Variants in PARL observed in about 807,000 individuals in gnomAD.
PARL encodes presenilin-associated rhomboid-like protein, mitochondrial.
A neutral mutation model predicts 51.6 loss-of-function variants in PARL; 44 were observed. The observed-to-expected ratio is 0.85, with a 90% CI of 0.67 to 1.10. PARL has a LOEUF of 1.10. Among genes scored for constraint, PARL ranks in the 50% least tolerant of loss-of-function variants. PARL has a pLI of 0.00. For synonymous variants in PARL, 172 were observed against 164.0 expected, an observed-to-expected ratio of 1.05 and a Z score of -0.37; for missense variants, 441 against 469.5, an observed-to-expected ratio of 0.94 and a Z score of 0.56.
At chr3:183,864,700 C>T (rs1053081409) in intron 3 of PARL, among the ~76,000 whole-genome samples, 2 of 151,378 alleles carry the variant, frequency 1.3e-5, no homozygotes, top group East Asian at 1.9e-4. Flanking sequence ...GGCGTGAACC[C>T]GGGAGGCAGA....
chr3:183,864,514 T>G (rs554294669), intron 3 of PARL, among the ~76,000 whole-genome samples: 2 of 152,094 alleles, frequency 1.3e-5, no homozygotes, highest in Non-Finnish European at 2.9e-5. Flanking sequence ...CGGTGGCTCA[T>G]GCCTGTAATC....
chr3:183,866,567 G>C, intron 3 of PARL, 58 bp downstream of exon 3: 4 of 1,381,298 alleles, frequency 2.9e-6, no homozygotes, highest in Non-Finnish European at 4.1e-6. Flanking sequence ...CATCTATTAA[G>C]TATCAGTTTT....
In PARL at chr3:183,884,826, C is replaced by T; in HGVS notation, c.21G>A (p.Ala7=). Residue 7 remains alanine (A), a synonymous_variant, in exon 1 of 10, where the codon GCG becomes GCA. Transcript: ENST00000317096. MAWRGW[A]QRGWGCGQAW... The stretch of plus-strand genomic sequence containing the variant: ...CCTGGCCGCAGCCCCAGCCTCTCTG[C>T]GCCCAGCCTCGCCACGCCATCTTCC... 6.3e-7 allele frequency: 1 copy of T among 1,596,978 alleles called. No homozygotes were observed.
chr3:183,857,032 A>T (rs1419201815), intron 4 of PARL, among the ~76,000 whole-genome samples: 1 of 152,216 alleles, frequency 6.6e-6, no homozygotes, highest in African/African-American at 2.4e-5. Context: ...GATTTGTTAA[A>T]TAATACTCAT....
At chr3:183,836,729 T>G (rs1034126630) in intron 7 of PARL, among the ~76,000 whole-genome samples, 3 of 148,562 alleles carry the variant, frequency 2.0e-5, no homozygotes. Context: ...GCACATCTGA[T>G]TTTTTTTTAC....
Position 183,833,707 on chromosome 3 carries a change from T to C in PARL, c.930+17A>G. ...ATCACCACTATCCCCAGCACTGCAC[T>C]TCATAAAAATACTTACATTCCCTGC... On this transcript the variant is annotated intron_variant, in intron 8 of 9. Coordinates refer to ENST00000317096, the MANE Select transcript of PARL (RefSeq NM_018622.7). 6.4e-7 allele frequency: 1 copy of C among 1,557,690 alleles called. No individual in the cohort carries two copies. Among genetic ancestry groups the C allele is most frequent in the South Asian group, 1.1e-5 (1 of 89,972 alleles).
chr3:183,840,688 GTTTAC>G (rs1180566936), intron 6 of PARL, 48 bp from the exon 7 acceptor site: 3 of 918,468 alleles, frequency 3.3e-6, no homozygotes, highest in Admixed American at 4.7e-5. Flanking sequence ...TATAAAAATG[GTTTAC>G]TTTTTTTTTT....
intron 5 of PARL, 54 bp downstream of exon 5, chr3:183,844,177 T>C (rs1729673895): frequency 7.5e-6 from 9 of 1,197,618 alleles, no homozygotes; most frequent in Non-Finnish European, 1.0e-5. Context: ...AACTAAAGCA[T>C]ATTTCTTTCA....
chr3:183,842,157 T>C lies in PARL; in HGVS notation c.757+141A>G, dbSNP rs1729392655. 1.5e-5 allele frequency: 13 copies of C among 880,260 alleles called. No homozygotes were observed. The East Asian group carries it at 3.2e-4, about 21-fold the overall frequency. The allele number at this position is 880,260 out of a possible 1,614,324, so 54.5% of individuals were successfully genotyped here. On this transcript the variant is annotated intron_variant, in intron 6 of 9. Transcript: ENST00000317096. Reference sequence around the variant, plus strand: ...CATCTCCACCAATCTGTGGCTCCCTTCTCTACATACACTGTGAGAAACAAA... The same window carrying C: ...CATCTCCACCAATCTGTGGCTCCCTCCTCTACATACACTGTGAGAAACAAA...
chr3:183,845,754 T>C (rs1028001232), intron 4 of PARL, among the ~76,000 whole-genome samples: 3 of 152,190 alleles, frequency 2.0e-5, no homozygotes, highest in Admixed American at 2.0e-4. Flanking sequence ...GTTTACCCTA[T>C]AGGAAGAGAG....
chr3:183,842,558 C>A lies in PARL; in HGVS notation c.608-111G>T. ...GACGCAGTGGCTCACGCCTGTAATC[C>A]CAGCACTTTGGGAGGCCAAGGCAGG... On this transcript the variant is annotated intron_variant, in intron 5 of 9. Coordinates refer to ENST00000317096, the MANE Select transcript of PARL (RefSeq NM_018622.7). 6 of 1,017,536 alleles carry A rather than the reference C, an allele frequency of 5.9e-6. No homozygotes were observed. In the South Asian group the frequency reaches 7.9e-5, roughly 13 times the overall value. The allele number at this position is 1,017,536 out of a possible 1,614,324, so 63.0% of individuals were successfully genotyped here. A position where few individuals can be genotyped will look rare whatever the true frequency, so the allele number is the denominator to read the frequency against.
At chr3:183,864,338 GGA>G (rs1560414955) in intron 3 of PARL, among the ~76,000 whole-genome samples, 3 of 152,038 alleles carry the variant, frequency 2.0e-5, no homozygotes, top group Admixed American at 6.6e-5. Flanking sequence ...CCAAGGAAGG[GGA>G]AAAGTAAAGA....
chr3:183,883,129 A>G (rs139300103), intron 1 of PARL, among the ~76,000 whole-genome samples: 1 of 152,258 alleles, frequency 6.6e-6, no homozygotes, highest in Admixed American at 6.5e-5. Flanking sequence ...TTTCTGGTTC[A>G]CTGTTTCAAA....
At chr3:183,831,050 C>T (rs1727879211) in intron 9 of PARL, among the ~76,000 whole-genome samples, 1 of 152,182 alleles carries the variant, frequency 6.6e-6, no homozygotes, top group South Asian at 2.1e-4. Flanking sequence ...GATCTCAGCT[C>T]ACTGTAACCT....
chr3:183,877,265 T>C (rs1468385758), intron 1 of PARL, among the ~76,000 whole-genome samples: 1 of 152,138 alleles, frequency 6.6e-6, no homozygotes, highest in Non-Finnish European at 1.5e-5. Context: ...AGCCTGAAGA[T>C]GTGATTGAAT....
At chr3:183,879,014 C>T (rs184538232) in intron 1 of PARL, among the ~76,000 whole-genome samples, 125 of 152,320 alleles carry the variant, frequency 8.2e-4, no homozygotes, top group African/African-American at 2.7e-3. Flanking sequence ...GGAGCTAGAA[C>T]CTGATTCCTC....
At chr3:183,840,731 A>C in intron 6 of PARL, 91 bp from the exon 7 acceptor site, 2 of 688,288 alleles carry the variant, frequency 2.9e-6, no homozygotes, top group South Asian at 3.7e-5. Context: ...TTTGAGACAG[A>C]GTTTCACTCT....
At chr3:183,882,737 G>T (rs1290469216) in intron 1 of PARL, among the ~76,000 whole-genome samples, 1 of 152,080 alleles carries the variant, frequency 6.6e-6, no homozygotes, top group Non-Finnish European at 1.5e-5. Context: ...CTTTAAAAAT[G>T]TAAACCATTC....
intron 4 of PARL, 176 bp downstream of exon 4, chr3:183,862,577 C>T (rs1731961415): frequency 1.7e-6 from 1 of 601,480 alleles, no homozygotes; most frequent in African/African-American, 1.8e-5. Context: ...CCCAGAGCAT[C>T]ATGTAAACCT....
Sources: gnomAD v4.1 joint callset for allele counts (sites outside exome capture counted in the v4.1 genomes callset) on GRCh38, gnomAD v4.1.1 for gene constraint, MANE v1.5 for transcripts, NCBI Gene and HGNC (gene_info 2026-07-23, HGNC 2026-07-21) for gene names.